Variants in PLLP observed in about 807,000 individuals in gnomAD.
PLLP encodes plasmolipin.
A neutral mutation model predicts 19.7 loss-of-function variants in PLLP; 15 were observed. The observed-to-expected ratio is 0.76, with a 90% confidence interval of 0.51 to 1.17. The LOEUF (loss-of-function observed/expected upper bound fraction) is 1.17, where lower values mean the gene tolerates loss of function less well. Ranked by LOEUF, PLLP falls within the 50% of genes most tolerant of loss-of-function variation. The pLI, the probability that PLLP is intolerant of heterozygous loss-of-function variation, is 0.00. For missense variants in PLLP, 255 were observed against 258.3 expected, an observed-to-expected ratio of 0.99 and a Z score of 0.09; for synonymous variants, 111 against 116.3, an observed-to-expected ratio of 0.95 and a Z score of 0.29.
chr16:57,261,702 AGTGAGACACTGTCTT>A (rs1567529195), intron 2 of PLLP, among the ~76,000 whole-genome samples, 180 bp downstream of exon 2: 1 of 152,122 alleles, frequency 6.6e-6, no homozygotes, highest in East Asian at 1.9e-4. Flanking sequence ...GCCTGCACAT[AGTGAGACACTGTCTT>A]GAAGGAAAAA....
chr16:57,267,253 C>A (rs751034476), intron 1 of PLLP, among the ~76,000 whole-genome samples: 6 of 152,138 alleles, frequency 3.9e-5, no homozygotes, highest in Non-Finnish European at 7.4e-5. Context: ...ACCCCTAGTA[C>A]CTGGGAATGT....
chr16:57,258,684 G>A (rs2075433345), intron 2 of PLLP, 100 bp from the exon 3 acceptor site: 3 of 1,207,962 alleles, frequency 2.5e-6, no homozygotes, highest in South Asian at 1.3e-5. Context: ...CACTTTGCGG[G>A]GCTGAAGTGG....
In PLLP at chr16:57,258,452, GC is replaced by G. The variant is rs1684792294; in HGVS notation, c.432+9del. 2 of 1,607,806 alleles carry G rather than the reference GC, an allele frequency of 1.2e-6. No homozygotes were observed. Among genetic ancestry groups the G allele is most frequent in the Non-Finnish European group, 1.7e-6 (2 of 1,179,578 alleles). ...GCAGACCACCAAGGGAGCCTGGGAAGCAGACTCACCGAGGCAGCCGCGCGCT... is the reference window on the plus strand; with the variant it reads ...GCAGACCACCAAGGGAGCCTGGGAAGAGACTCACCGAGGCAGCCGCGCGCT... On this transcript the variant is annotated intron_variant, in intron 3 of 3. Transcript: ENST00000219207.
intron 2 of PLLP, among the ~76,000 whole-genome samples, chr16:57,260,572 T>C (rs2075439028): frequency 6.6e-6 from 1 of 152,226 alleles, no homozygotes; most frequent in South Asian, 2.1e-4. Flanking sequence ...TAAAAAGTCA[T>C]TGAATTCCAA....
intron 1 of PLLP, among the ~76,000 whole-genome samples, chr16:57,266,755 C>A (rs117139586): frequency 0.01 from 1,543 of 152,100 alleles, 10 homozygotes; most frequent in Middle Eastern, 0.024. Context: ...CACAGGCAAA[C>A]CACATCCTCC....
At chr16:57,273,287 C>T (rs1403030839) in intron 1 of PLLP, among the ~76,000 whole-genome samples, 1 of 151,878 alleles carries the variant, frequency 6.6e-6, no homozygotes, top group African/African-American at 2.4e-5. Context: ...GGGGGCAATG[C>T]TCCCATCCTG....
In PLLP at chr16:57,256,939, T is replaced by G. The variant is rs757998512; in HGVS notation, c.523A>C (p.Ser175Arg). ...WRGVGSNAAT[S>R]QMAGGYA Reference sequence around the variant, plus strand: ...TAGGCATAGCCGCCAGCCATCTGACTGGTGGCCGCATTGCTGCCTACTCCT... The same window carrying G: ...TAGGCATAGCCGCCAGCCATCTGACGGGTGGCCGCATTGCTGCCTACTCCT... Residue 175 changes from serine (S) to arginine (R), a missense_variant, in exon 4 of 4, where the codon AGT (serine) becomes CGT (arginine). Physicochemically the swap from Ser to Arg is moderately radical, Grantham distance 110 (BLOSUM62 -1). Coordinates refer to ENST00000219207, the MANE Select transcript of PLLP (RefSeq NM_015993.3). The G allele has an allele frequency of 6.2e-7, 1 of 1,613,104 alleles. No individual in the cohort carries two copies. Among genetic ancestry groups the G allele is most frequent in the Admixed American group, 1.7e-5 (1 of 60,026 alleles).
rs570369596 is a variant in PLLP, at chr16:57,278,687, G to A, written c.135+5719C>T. On this transcript the variant is annotated intron_variant, in intron 1 of 3. Coordinates refer to ENST00000219207, the MANE Select transcript of PLLP (RefSeq NM_015993.3). ...GGTTGGATGAAGATATTGGGCATGC[G>A]GGGCCTGGAATGCTGTACTAAAAAG... is the stretch of plus-strand genomic sequence containing the variant. 6.6e-5 allele frequency among the ~76,000 whole-genome samples: 10 copies of A among 152,240 alleles called. No homozygotes were observed. The South Asian group carries it at 1.7e-3, about 25-fold the overall frequency.
chr16:57,265,529 G>A (rs1311207912), intron 1 of PLLP, among the ~76,000 whole-genome samples: 1 of 152,214 alleles, frequency 6.6e-6, no homozygotes, highest in Non-Finnish European at 1.5e-5. Flanking sequence ...ACCAATTCAG[G>A]TTTCCACTAT....
chr16:57,282,418 T>C (rs576958613), intron 1 of PLLP, among the ~76,000 whole-genome samples: 1,661 of 150,972 alleles, frequency 0.011, 28 homozygotes, highest in African/African-American at 0.039. Context: ...ATTTTTTTTT[T>C]CCTTTTTTTT....
At chr16:57,258,883 T>A (rs1261416781) in intron 2 of PLLP, among the ~76,000 whole-genome samples, 1 of 124,636 alleles carries the variant, frequency 8.0e-6, no homozygotes, top group Admixed American at 1.0e-4. Flanking sequence ...ATCACACCAC[T>A]GCACTCCAGC....
intron 1 of PLLP, among the ~76,000 whole-genome samples, chr16:57,268,375 G>T (rs543180438): frequency 4.6e-5 from 7 of 152,292 alleles, no homozygotes; most frequent in African/African-American, 1.7e-4. Context: ...TTGAATTCAC[G>T]CTCTGGCCCT....
At chr16:57,262,207 A>G in intron 1 of PLLP, 137 bp from the exon 2 acceptor site, 3 of 784,996 alleles carry the variant, frequency 3.8e-6, no homozygotes, top group Non-Finnish European at 6.2e-6. Context: ...TAATCGCTGG[A>G]GGCCAGGAGT....
intron 1 of PLLP, among the ~76,000 whole-genome samples, chr16:57,268,013 C>T (rs1597961708): frequency 6.6e-6 from 1 of 151,988 alleles, no homozygotes; most frequent in East Asian, 1.9e-4. Flanking sequence ...GAAATGTGGA[C>T]ACAGAGACCA....
chr16:57,269,535 C>T (rs1181747388), intron 1 of PLLP, among the ~76,000 whole-genome samples: 2 of 152,134 alleles, frequency 1.3e-5, no homozygotes, highest in African/African-American at 4.8e-5. Flanking sequence ...ATGAGACAGT[C>T]CGGGGCTGGG....
intron 1 of PLLP, among the ~76,000 whole-genome samples, chr16:57,273,660 C>G (rs545299519): frequency 1.3e-5 from 2 of 152,238 alleles, no homozygotes; most frequent in Non-Finnish European, 2.9e-5. Flanking sequence ...CCATGGGGAT[C>G]TGTCAGATAA....
intron 1 of PLLP, among the ~76,000 whole-genome samples, chr16:57,271,610 A>C (rs1270038695): frequency 2.0e-5 from 3 of 151,738 alleles, no homozygotes; most frequent in Non-Finnish European, 4.4e-5. Context: ...GCACCATTGC[A>C]CTCCAGCCTG....
chr16:57,269,591 G>A (rs975380891), intron 1 of PLLP, among the ~76,000 whole-genome samples: 4 of 152,258 alleles, frequency 2.6e-5, no homozygotes, highest in South Asian at 4.2e-4. Flanking sequence ...GAAGGCAGCC[G>A]GGGCCTAGAG....
At chr16:57,266,380 C>G (rs1482321503) in intron 1 of PLLP, among the ~76,000 whole-genome samples, 6 of 152,238 alleles carry the variant, frequency 3.9e-5, no homozygotes, top group African/African-American at 1.4e-4. Flanking sequence ...AAGGTTCGTT[C>G]CTGCATTTGA....
Sources: gnomAD v4.1 joint callset for allele counts (sites outside exome capture counted in the v4.1 genomes callset) on GRCh38, gnomAD v4.1.1 for gene constraint, MANE v1.5 for transcripts, NCBI Gene and HGNC (gene_info 2026-07-23, HGNC 2026-07-21) for gene names.